The following CACNA2D1 variants were observed in gnomAD, a reference collection of about 807,000 sequenced individuals.
CACNA2D1 encodes the protein calcium voltage-gated channel auxiliary subunit alpha2delta 1.
In CACNA2D1, 53 loss-of-function variants were observed where a neutral mutation model predicts 171.5. The observed-to-expected ratio is 0.31, with a 90% CI of 0.25 to 0.39. CACNA2D1 has a LOEUF of 0.39. Among genes scored for constraint, CACNA2D1 ranks in the 10% least tolerant of loss-of-function variants. CACNA2D1 has a pLI of 1.00. For synonymous variants in CACNA2D1, 442 were observed against 443.1 expected, an observed-to-expected ratio of 1.00 and a Z score of 0.03; for missense variants, 903 against 1,299.8, an observed-to-expected ratio of 0.69 and a Z score of 4.69.
intron 3 of CACNA2D1, among the ~76,000 whole-genome samples, chr7:82,286,876 C>T (rs968720644): frequency 1.3e-5 from 2 of 152,082 alleles, no homozygotes; most frequent in African/African-American, 4.8e-5. Flanking sequence ...ATGAAATAGA[C>T]TCCATGGGCT....
At chr7:82,391,330 AT>A (rs1433593771) in intron 1 of CACNA2D1, among the ~76,000 whole-genome samples, 1 of 152,198 alleles carries the variant, frequency 6.6e-6, no homozygotes, top group Non-Finnish European at 1.5e-5. Context: ...GAAATTCCTC[AT>A]AATTTCTAAC....
At chr7:82,146,474 TTATA>T (rs1404637891) in intron 4 of CACNA2D1, among the ~76,000 whole-genome samples, 1 of 145,382 alleles carries the variant, frequency 6.9e-6, no homozygotes. Flanking sequence ...ATATATATCT[TTATA>T]TATACATATT....
At chr7:82,324,669 G>C (rs1816424958) in intron 3 of CACNA2D1, among the ~76,000 whole-genome samples, 1 of 152,088 alleles carries the variant, frequency 6.6e-6, no homozygotes, top group Non-Finnish European at 1.5e-5. Flanking sequence ...ATGTGATGGT[G>C]TATCTGGGGC....
chr7:82,050,596 C>T (rs781771125), intron 10 of CACNA2D1: 4 of 702,798 alleles, frequency 5.7e-6, no homozygotes, highest in South Asian at 3.0e-5. Context: ...CATTGAAAAT[C>T]TCTTCGGGAG....
At chr7:82,346,283 AC>A (rs1192353892) in intron 2 of CACNA2D1, among the ~76,000 whole-genome samples, 2 of 152,174 alleles carry the variant, frequency 1.3e-5, no homozygotes, top group Non-Finnish European at 2.9e-5. Flanking sequence ...CCCAGCCTGT[AC>A]CCCAGCTTAT....
intron 21 of CACNA2D1, among the ~76,000 whole-genome samples, chr7:81,988,169 T>C (rs1797167178): frequency 6.6e-6 from 1 of 152,178 alleles, no homozygotes; most frequent in South Asian, 2.1e-4. Flanking sequence ...CAGAATGCAT[T>C]CTCATACGAT....
intron 3 of CACNA2D1, among the ~76,000 whole-genome samples, chr7:82,258,817 CTTTTTTT>C (rs201927487): frequency 7.7e-4 from 56 of 72,626 alleles, no homozygotes; most frequent in Middle Eastern, 0.017. Context: ...TCTTACTTTT[CTTTTTTT>C]TTTTTTTTTT....
intron 3 of CACNA2D1, among the ~76,000 whole-genome samples, chr7:82,217,374 CATAT>C (rs1801226784): frequency 9.1e-6 from 1 of 109,740 alleles, no homozygotes; most frequent in Non-Finnish European, 1.8e-5. Context: ...TATATACACA[CATAT>C]ACACACACAC....
Position 81,971,838 on chromosome 7 carries a change from A to G in CACNA2D1, c.2080T>C (p.Leu694=). 1 of 1,607,910 alleles carries G rather than the reference A, an allele frequency of 6.2e-7. No individual in the cohort carries two copies. The highest frequency in any genetic ancestry group is 1.1e-5 in the South Asian group (1 of 90,826). The change falls in exon 26 of 39, where the codon TTG becomes CTG. Residue 694 remains leucine, a synonymous_variant. Transcript: ENST00000356860. Reference sequence around the variant, plus strand: ...TCATTTGTAAAGCCTGCATCAAGCAAGACTCTATTAATCAAATCCGCGTTA... The same window carrying G: ...TCATTTGTAAAGCCTGCATCAAGCAGGACTCTATTAATCAAATCCGCGTTA... ...SCNADLINRV[L]LDAGFTNELV... is the part of the protein sequence containing the mutation.
intron 2 of CACNA2D1, among the ~76,000 whole-genome samples, chr7:82,339,778 A>T (rs1818397859): frequency 6.6e-6 from 1 of 152,188 alleles, no homozygotes; most frequent in South Asian, 2.1e-4. Context: ...GTTATGATAG[A>T]CAGAATAATG....
chr7:82,194,952 T>C (rs903256281), intron 3 of CACNA2D1, among the ~76,000 whole-genome samples: 1 of 151,976 alleles, frequency 6.6e-6, no homozygotes, highest in Non-Finnish European at 1.5e-5. Flanking sequence ...CATATGAAGA[T>C]AATCGTAATA....
chr7:82,304,642 T>G (rs1813483347), intron 3 of CACNA2D1, among the ~76,000 whole-genome samples: 2 of 152,126 alleles, frequency 1.3e-5, no homozygotes. Context: ...CACATGTGGA[T>G]GCTAAAAAAG....
intron 4 of CACNA2D1, among the ~76,000 whole-genome samples, chr7:82,169,155 G>A (rs905532877): frequency 1.3e-5 from 2 of 151,842 alleles, no homozygotes; most frequent in Non-Finnish European, 2.9e-5. Context: ...AAAAAAAATC[G>A]TTTTTATCTA....
intron 18 of CACNA2D1, 136 bp from the exon 19 acceptor site, chr7:81,997,386 CATATA>C (rs905153135): frequency 3.2e-5 from 15 of 476,078 alleles, no homozygotes; most frequent in African/African-American, 3.0e-4. Flanking sequence ...TATCTTCTTT[CATATA>C]TATTTTATAT....
At chr7:81,977,497 T>A (rs899832545) in intron 24 of CACNA2D1, among the ~76,000 whole-genome samples, 2 of 152,134 alleles carry the variant, frequency 1.3e-5, no homozygotes, top group African/African-American at 4.8e-5. Context: ...GGGAAAAGAT[T>A]CCCTATTTAA....
At chr7:82,211,681 T>C (rs1269109784) in intron 3 of CACNA2D1, among the ~76,000 whole-genome samples, 1 of 152,210 alleles carries the variant, frequency 6.6e-6, no homozygotes, top group African/African-American at 2.4e-5. Context: ...CAAGTGCATG[T>C]GTTTTTTGGC....
At chr7:82,019,512 G>C (rs1021810334) in intron 12 of CACNA2D1, among the ~76,000 whole-genome samples, 24 of 152,182 alleles carry the variant, frequency 1.6e-4, no homozygotes, top group Middle Eastern at 6.8e-3. Flanking sequence ...GAGCAGTTTT[G>C]GCTATTTACA....
intron 1 of CACNA2D1, among the ~76,000 whole-genome samples, chr7:82,401,889 T>A (rs1054958333): frequency 1.1e-4 from 17 of 152,092 alleles, no homozygotes; most frequent in African/African-American, 4.1e-4. Flanking sequence ...ATATAGTGTT[T>A]AGTATTTACA....
chr7:82,150,060 T>A (rs1401002509), intron 4 of CACNA2D1, among the ~76,000 whole-genome samples: 2 of 151,724 alleles, frequency 1.3e-5, no homozygotes, highest in Admixed American at 1.3e-4. Flanking sequence ...AGGCATGCAG[T>A]GAGTGTTTTA....
Sources: allele counts gnomAD v4.1 joint callset (sites outside exome capture counted in the v4.1 genomes callset), GRCh38; gene constraint gnomAD v4.1.1; transcripts MANE v1.5; gene names NCBI Gene and HGNC (gene_info 2026-07-23, HGNC 2026-07-21).